Variants in KCNQ1 observed in about 807,000 individuals in gnomAD.
The protein encoded by KCNQ1 is potassium voltage-gated channel subfamily KQT member 1.
Under a neutral mutation model 72.4 loss-of-function variants are expected in KCNQ1, and 49 were observed. The observed-to-expected ratio is 0.68, with a 90% CI of 0.54 to 0.86. The LOEUF is 0.86. Among genes scored for constraint, KCNQ1 ranks in the 40% least tolerant of loss-of-function variants. The probability of loss-of-function intolerance (pLI) is 0.00; values close to 1 mark genes in which losing one functional copy is unlikely to be tolerated. For synonymous variants in KCNQ1, 450 were observed against 412.6 expected, an observed-to-expected ratio of 1.09 and a Z score of -1.10; for missense variants, 790 against 945.1, an observed-to-expected ratio of 0.84 and a Z score of 2.15.
At chr11:2,666,461 G>C (rs1266123215) in intron 11 of KCNQ1, 2 of 398,572 alleles carry the variant, frequency 5.0e-6, no homozygotes, top group Non-Finnish European at 8.8e-6. Context: ...CCTGGACCCT[G>C]CAGAATCTCA....
At chr11:2,835,925 AG>A (rs1258519746) in intron 15 of KCNQ1, among the ~76,000 whole-genome samples, 1 of 152,134 alleles carries the variant, frequency 6.6e-6, no homozygotes, top group Non-Finnish European at 1.5e-5. Context: ...AGCAGATGAC[AG>A]GGCAGTGACA....
At chr11:2,644,593 C>T (rs1337563003) in intron 10 of KCNQ1, 4 of 398,290 alleles carry the variant, frequency 1.0e-5, no homozygotes, top group Middle Eastern at 6.2e-4. Flanking sequence ...TATTGCATTC[C>T]TTAGGAGTTG....
rs144740069 is a variant in KCNQ1, at chr11:2,552,024, C to T, written c.478-18604C>T. ...AGATCTGTTTTACAAATATTTTCTC[C>T]CAGTCATGGCTTTGTCTTTGCATTT... is the stretch of plus-strand genomic sequence containing the variant. On this transcript the variant is annotated intron_variant, in intron 2 of 15. Coordinates refer to ENST00000155840, the MANE Select transcript of KCNQ1 (RefSeq NM_000218.3). Among the ~76,000 whole-genome samples the T allele has an allele frequency of 1.8e-3, 276 of 152,266 alleles. 2 individuals carry two copies. The highest frequency in any genetic ancestry group is 6.4e-3 in the African/African-American group (265 of 41,544).
At position 2,458,671 on chromosome 11, in the gene KCNQ1, G is replaced by GGATC. The variant is rs1382527906; in HGVS notation, c.386+13190_386+13191insCGAT. On this transcript the variant is annotated intron_variant, in intron 1 of 15. Transcript: ENST00000155840. The surrounding 1 kb of genome is among the most constrained non-coding windows in gnomAD (Gnocchi z 4.6). ...TGGATGGATGGATGGATGGATGGAT[G>GGATC]GATGGATGGATGGATCGATCGATCT... 9.4e-6 allele frequency among the ~76,000 whole-genome samples: 1 copy of GGATC among 106,704 alleles called. No homozygotes were observed. Among genetic ancestry groups the GGATC allele is most frequent in the African/African-American group, 4.3e-5 (1 of 23,102 alleles). 70.0% of individuals were successfully genotyped at this position (106,704 alleles called of 152,430 possible).
At chr11:2,618,285 A>G (rs1849102522) in intron 10 of KCNQ1, 1 of 398,598 alleles carries the variant, frequency 2.5e-6, no homozygotes, top group South Asian at 1.3e-4. Flanking sequence ...AAAATACACT[A>G]ACAATAACAA....
At chr11:2,641,987 A>C (rs190872405) in intron 10 of KCNQ1, 3 of 398,386 alleles carry the variant, frequency 7.5e-6, no homozygotes, top group Admixed American at 4.4e-5. Context: ...CCATTGGTCT[A>C]TCAGTTTTTA....
At chr11:2,582,307 T>C (rs1167288325) in intron 6 of KCNQ1, among the ~76,000 whole-genome samples, 1 of 152,122 alleles carries the variant, frequency 6.6e-6, no homozygotes, top group Admixed American at 6.5e-5. Context: ...CAGTGGCTGG[T>C]GGAAACCACA....
intron 15 of KCNQ1, 138 bp from the exon 16 acceptor site, chr11:2,847,629 G>C: frequency 6.5e-6 from 5 of 769,812 alleles, no homozygotes; most frequent in African/African-American, 1.7e-5. Flanking sequence ...GCACACGTGC[G>C]TGCCGCCTGC....
chr11:2,587,551 T>G lies in KCNQ1; in HGVS notation c.1129-19T>G. 2.5e-6 allele frequency: 4 copies of G among 1,613,182 alleles called. No individual in the cohort carries two copies. Among genetic ancestry groups the G allele is most frequent in the Non-Finnish European group, 3.4e-6 (4 of 1,179,906 alleles). Reference sequence around the variant, plus strand: ...GGGTGGCTCAGCAGGTGACAGCCTGTCCCCCTGCCCGACCTCAGACCGCAT... The same window carrying G: ...GGGTGGCTCAGCAGGTGACAGCCTGGCCCCCTGCCCGACCTCAGACCGCAT... On this transcript the variant is annotated intron_variant, in intron 8 of 15. Transcript: ENST00000155840.
chr11:2,778,204 G>A (rs1431772025), intron 15 of KCNQ1, among the ~76,000 whole-genome samples, 167 bp downstream of exon 15: 1 of 152,234 alleles, frequency 6.6e-6, no homozygotes, highest in African/African-American at 2.4e-5. Context: ...CAGGCCCACT[G>A]CCCACCTGGC....
intron 15 of KCNQ1, among the ~76,000 whole-genome samples, chr11:2,779,208 C>T (rs1270683454): frequency 6.6e-6 from 1 of 152,200 alleles, no homozygotes; most frequent in Non-Finnish European, 1.5e-5. Flanking sequence ...GGAAGCAAGA[C>T]CCGGGAGAGG....
In KCNQ1 at chr11:2,733,814, A is replaced by ACACACACACTCTCTCACTCTCTCT; in HGVS notation, c.1515-35029_1515-35028insACACACACTCTCTCACTCTCTCTC. On this transcript the variant is annotated intron_variant, in intron 11 of 15. Coordinates refer to ENST00000155840, the MANE Select transcript of KCNQ1 (RefSeq NM_000218.3). ...CACACACACACACACACACACACAC[A>ACACACACACTCTCTCACTCTCTCT]CTCTCTCACTCTCTCTCTCTCTCTC... is the stretch of plus-strand genomic sequence containing the variant. Among the ~76,000 whole-genome samples, 37 of 86,612 alleles carry ACACACACACTCTCTCACTCTCTCT rather than the reference A, an allele frequency of 4.3e-4. No homozygotes were observed. The East Asian group carries it at 6.4e-3, about 15-fold the overall frequency. 56.8% of individuals were successfully genotyped at this position (86,612 alleles called of 152,430 possible).
At chr11:2,685,822 G>T in intron 11 of KCNQ1, 1 of 398,692 alleles carries the variant, frequency 2.5e-6, no homozygotes, top group South Asian at 1.3e-4. Context: ...ATTCCTACTA[G>T]AACGAGGCTG....
In KCNQ1 at chr11:2,661,969, A is replaced by G. The variant is rs763931151; in HGVS notation, c.1402A>G (p.Ser468Gly). The part of the protein sequence containing the change: ...VDGYDSSVRK[S>G]PTLLEVSMPH... Reference sequence around the variant, plus strand: ...CCACACTTTCTCCTCAGTAAGGAAGAGCCCAACACTGCTGGAAGTGAGCAT... The same window carrying G: ...CCACACTTTCTCCTCAGTAAGGAAGGGCCCAACACTGCTGGAAGTGAGCAT... The change falls in exon 11 of 16, where the codon AGC (serine) becomes GGC (glycine). Residue 468 changes from serine (S) to glycine (G), a missense_variant. Coordinates refer to ENST00000155840, the MANE Select transcript of KCNQ1 (RefSeq NM_000218.3). The surrounding 1 kb of genome is among the most constrained non-coding windows in gnomAD (Gnocchi z 5.9). 2.5e-6 allele frequency: 4 copies of G among 1,614,180 alleles called. No homozygotes were observed. In the South Asian group the frequency reaches 3.3e-5, roughly 13 times the overall value.
rs183266964 is a variant in KCNQ1, at chr11:2,747,266, A to G, written c.1515-21578A>G. ...AGCCCCAATTTATTAGTCTTCTCCA[A>G]TGGGGACTGTGCAAAGGACATTAAT... is the stretch of plus-strand genomic sequence containing the variant. On this transcript the variant is annotated intron_variant, in intron 11 of 15. Coordinates refer to ENST00000155840, the MANE Select transcript of KCNQ1 (RefSeq NM_000218.3). Among the ~76,000 whole-genome samples the G allele has an allele frequency of 1.6e-3, 239 of 152,372 alleles. 4 individuals carry two copies. The highest frequency in any genetic ancestry group is 1.7e-3 in the Non-Finnish European group (114 of 68,030).
chr11:2,506,210 T>C (rs531726077), intron 1 of KCNQ1, among the ~76,000 whole-genome samples: 43 of 152,364 alleles, frequency 2.8e-4, no homozygotes, highest in African/African-American at 9.4e-4. Context: ...CTTACATTTA[T>C]ACCTTTGACC....
chr11:2,621,079 G>A lies in KCNQ1; in HGVS notation c.1393+32225G>A, dbSNP rs1385303627. On this transcript the variant is annotated intron_variant, in intron 10 of 15. Transcript: ENST00000155840. The surrounding 1 kb of genome is among the most constrained non-coding windows in gnomAD (Gnocchi z 5.7). ...TGCAACCTCCACCTCCTGGGTTCAA[G>A]CAATTCTCCTGTCTCAGACTCCTGA... 2.5e-6 allele frequency: 1 copy of A among 397,166 alleles called. No individual in the cohort carries two copies. The highest frequency in any genetic ancestry group is 4.4e-6 in the Non-Finnish European group (1 of 225,812). The allele number at this position is 397,166 out of a possible 1,614,324, so 24.6% of individuals were successfully genotyped here.
At chr11:2,585,351 G>A in intron 8 of KCNQ1, 44 bp downstream of exon 8, 5 of 1,544,392 alleles carry the variant, frequency 3.2e-6, no homozygotes, top group Non-Finnish European at 3.6e-6. Context: ...TTTGGTCACT[G>A]TTATTGTTGC....
chr11:2,625,962 T>G (rs1292315244), intron 10 of KCNQ1: 3 of 398,530 alleles, frequency 7.5e-6, no homozygotes, highest in Non-Finnish European at 1.3e-5. Context: ...AGGTATGTGA[T>G]TTGCAAATTT....
Sources: allele counts gnomAD v4.1 joint callset (sites outside exome capture counted in the v4.1 genomes callset), GRCh38; gene constraint gnomAD v4.1.1; non-coding constraint Gnocchi (gnomAD v3.1); transcripts MANE v1.5; gene names NCBI Gene and HGNC (gene_info 2026-07-23, HGNC 2026-07-21).